CCDC40: variants seen among roughly 807,000 people sequenced by gnomAD.
CCDC40 encodes the protein coiled-coil domain 40 molecular ruler complex subunit.
Under a neutral mutation model 124.5 loss-of-function variants are expected in CCDC40, and 104 were observed. The ratio of observed to expected loss-of-function variants is 0.84; its 90% CI spans 0.71 to 0.98. The LOEUF (loss-of-function observed/expected upper bound fraction) is 0.98. Among genes scored for constraint, CCDC40 ranks in the 50% least tolerant of loss-of-function variants. The pLI, the probability that CCDC40 is intolerant of heterozygous loss-of-function variation, is 0.00. For missense variants in CCDC40, 1,463 were observed against 1,503.9 expected (o/e 0.97, Z 0.45); for synonymous variants, 580 against 602.9 (o/e 0.96, Z 0.56).
At chr17:80,055,253 A>C (rs1285659282) in intron 7 of CCDC40, among the ~76,000 whole-genome samples, 2 of 152,188 alleles carry the variant, frequency 1.3e-5, no homozygotes, top group African/African-American at 4.8e-5. Context: ...AAGAGAAAGA[A>C]ATGAGATATG....
At chr17:80,088,985 C>G (rs565342299) in intron 16 of CCDC40, among the ~76,000 whole-genome samples, 3 of 152,272 alleles carry the variant, frequency 2.0e-5, no homozygotes, top group South Asian at 2.1e-4. Flanking sequence ...TTTATGGTGT[C>G]TGATTATTAA....
At position 80,087,730 on chromosome 17, in the gene CCDC40, A is replaced by G. The variant is rs1003621528; in HGVS notation, c.2573A>G (p.Glu858Gly). The G allele has an allele frequency of 2.5e-6, 4 of 1,614,158 alleles. No individual in the cohort carries two copies. The highest frequency in any genetic ancestry group is 3.4e-6 in the Non-Finnish European group (4 of 1,179,990). ...AACCGGTGCAGCTCGGAGGAGCTGG[A>G]GCAGAACAACCGGGTGACAGAGAAT... ...NKNRCSSEEL[E>G]QNNRVTENEF... The change falls in exon 15 of 20, where the codon GAG becomes GGG. Residue 858 changes from glutamate to glycine, a missense_variant. Physicochemically the swap from Glu to Gly is moderately conservative, Grantham distance 98. Coordinates refer to ENST00000397545, the MANE Select transcript of CCDC40 (RefSeq NM_017950.4). The surrounding 1 kb of genome is among the most constrained non-coding windows in gnomAD (Gnocchi z 4.5).
intron 17 of CCDC40, among the ~76,000 whole-genome samples, chr17:80,092,398 C>A (rs1381674853): frequency 3.3e-5 from 5 of 152,098 alleles, no homozygotes; most frequent in Non-Finnish European, 7.4e-5. Flanking sequence ...TGATATATTT[C>A]CTCATCCTCG....
intron 10 of CCDC40, among the ~76,000 whole-genome samples, chr17:80,071,264 A>G (rs554900605): frequency 1.3e-5 from 2 of 152,362 alleles, no homozygotes; most frequent in African/African-American, 4.8e-5. Flanking sequence ...CGGGAAATAC[A>G]GAGGGCAGAC....
Position 80,095,523 on chromosome 17 carries a change from G to A in CCDC40, c.3021+72G>A, listed in dbSNP as rs568551544. ...GATTCAAGGAACACTCCAGGAAGGC[G>A]TCTTGCTGGGTCCGGGGTGAGGATG... is the stretch of plus-strand genomic sequence containing the variant. On this transcript the variant is annotated intron_variant, in intron 18 of 19. Coordinates refer to ENST00000397545, the MANE Select transcript of CCDC40 (RefSeq NM_017950.4). 4.1e-4 allele frequency: 598 copies of A among 1,458,370 alleles called. 1 individual carries two copies. The highest frequency in any genetic ancestry group is 5.3e-4 in the Non-Finnish European group (561 of 1,054,392). The allele number at this position is 1,458,370 out of a possible 1,614,324, so 90.3% of individuals were successfully genotyped here.
Position 80,089,776 on chromosome 17 carries a change from G to A in CCDC40, c.2724G>A (p.Met908Ile), listed in dbSNP as rs1211135006. ...NQLVEAEHQI[M>I]LWEKKIQLAK... ...CCTACCTCTAAAGACACCAGATTAT[G>A]CTTTGGGAGAAAAAAATCCAACTGG... is the stretch of plus-strand genomic sequence containing the variant. The change falls in exon 17 of 20, where the codon ATG becomes ATA. Residue 908 changes from methionine to isoleucine, a missense_variant. Physicochemically the swap from Met to Ile is conservative, Grantham distance 10 (BLOSUM62 1). Transcript: ENST00000397545. 3.7e-6 allele frequency: 6 copies of A among 1,614,120 alleles called. No individual in the cohort carries two copies. The highest frequency in any genetic ancestry group is 3.3e-5 in the Admixed American group (2 of 60,000).
chr17:80,082,150 C>A, intron 12 of CCDC40, 92 bp downstream of exon 12: 5 of 1,108,102 alleles, frequency 4.5e-6, no homozygotes, highest in Non-Finnish European at 4.1e-6. Flanking sequence ...AGGGCGGAGT[C>A]AGTGTGAGCA....
chr17:80,083,656 G>A (rs1477513582), intron 12 of CCDC40, among the ~76,000 whole-genome samples: 2 of 152,196 alleles, frequency 1.3e-5, no homozygotes, highest in Admixed American at 6.5e-5. Flanking sequence ...TTGCAGCTGT[G>A]ACTGCCACTG....
intron 19 of CCDC40, among the ~76,000 whole-genome samples, chr17:80,098,438 G>A (rs1456727338): frequency 6.6e-6 from 1 of 152,250 alleles, no homozygotes; most frequent in Non-Finnish European, 1.5e-5. Context: ...TATTTGCAGT[G>A]CTTCAGGGCG....
chr17:80,094,243 T>C (rs1162045271), intron 17 of CCDC40, among the ~76,000 whole-genome samples: 2 of 126,602 alleles, frequency 1.6e-5, no homozygotes, highest in Non-Finnish European at 3.6e-5. Context: ...ACCCTGTCTC[T>C]ACTGAAAAAA....
chr17:80,095,363 A>G lies in CCDC40; in HGVS notation c.2933A>G (p.Gln978Arg), dbSNP rs2038789361. The part of the protein sequence containing the change: ...RETVTTQAEG[Q>R]RKMDRKALTR... Reference sequence around the variant, plus strand: ...ACCGTCACCACCCAGGCCGAGGGGCAGCGCAAGATGGACAGGAAGGCGCTC... The same window carrying G: ...ACCGTCACCACCCAGGCCGAGGGGCGGCGCAAGATGGACAGGAAGGCGCTC... Residue 978 changes from glutamine (Q) to arginine (R), a missense_variant, in exon 18 of 20, where the codon CAG (glutamine) becomes CGG (arginine). By Grantham distance (43) the Gln-to-Arg change is conservative (BLOSUM62 1). Transcript: ENST00000397545. 2 of 1,614,136 alleles carry G rather than the reference A, an allele frequency of 1.2e-6. No homozygotes were observed. Among genetic ancestry groups the G allele is most frequent in the Non-Finnish European group, 1.7e-6 (2 of 1,180,044 alleles).
intron 10 of CCDC40, among the ~76,000 whole-genome samples, chr17:80,080,279 C>T (rs955258332): frequency 2.6e-5 from 4 of 152,086 alleles, no homozygotes; most frequent in Non-Finnish European, 2.9e-5. Flanking sequence ...ATGCCTCACA[C>T]ACACAAAATT....
At chr17:80,095,221 T>G in intron 17 of CCDC40, 42 bp from the exon 18 acceptor site, 1 of 1,597,894 alleles carries the variant, frequency 6.3e-7, no homozygotes, top group Non-Finnish European at 8.6e-7. Flanking sequence ...CAGCTGCAGC[T>G]CAGGCCTGCC....
chr17:80,047,976 T>C (rs1017453120), intron 4 of CCDC40, among the ~76,000 whole-genome samples: 10 of 152,068 alleles, frequency 6.6e-5, no homozygotes, highest in Admixed American at 3.3e-4. Flanking sequence ...GTGTCTAAAT[T>C]AGTAAAAAAA....
At chr17:80,053,194 C>T (rs566084667) in intron 7 of CCDC40, among the ~76,000 whole-genome samples, 9 of 152,298 alleles carry the variant, frequency 5.9e-5, no homozygotes, top group Non-Finnish European at 4.4e-5. Flanking sequence ...AGACTCGTGA[C>T]GGGCCATGCA....
At chr17:80,036,715 G>A in intron 1 of CCDC40, 24 bp downstream of exon 1, 2 of 1,461,998 alleles carry the variant, frequency 1.4e-6, no homozygotes, top group Non-Finnish European at 1.8e-6. Flanking sequence ...AGGGGCAGCG[G>A]GTCTTGGAGT....
At position 80,069,707 on chromosome 17, in the gene CCDC40, TGCCACTGCACTCCA is replaced by T. The variant is rs2038140836; in HGVS notation, c.1562+4105_1562+4118del. Reference sequence around the variant, plus strand: ...TGGAGGTGGCGGTGAAGCAAGATGGTGCCACTGCACTCCAGCCTGGGTGACAGAGCGAGACTTCG... The same window carrying T: ...TGGAGGTGGCGGTGAAGCAAGATGGTGCCTGGGTGACAGAGCGAGACTTCG... On this transcript the variant is annotated intron_variant, in intron 10 of 19. Coordinates refer to ENST00000397545, the MANE Select transcript of CCDC40 (RefSeq NM_017950.4). Among the ~76,000 whole-genome samples the T allele has an allele frequency of 2.6e-5, 4 of 151,330 alleles. No homozygotes were observed. The South Asian group carries it at 8.3e-4, about 31-fold the overall frequency.
At chr17:80,072,797 C>T (rs1156670677) in intron 10 of CCDC40, among the ~76,000 whole-genome samples, 1 of 152,162 alleles carries the variant, frequency 6.6e-6, no homozygotes, top group Non-Finnish European at 1.5e-5. Flanking sequence ...TGCACGGATA[C>T]ATCAGATGTA....
rs1017095304 is a variant in CCDC40 at position 80,085,699 on chromosome 17, T to C, written c.2236-304T>C. Among the ~76,000 whole-genome samples, 14 of 147,214 alleles carry C rather than the reference T, an allele frequency of 9.5e-5. No individual in the cohort carries two copies. The East Asian group carries it at 1.6e-3, about 17-fold the overall frequency. On this transcript the variant is annotated intron_variant, in intron 13 of 19. Coordinates refer to ENST00000397545, the MANE Select transcript of CCDC40 (RefSeq NM_017950.4). ...TTTTTTTTTTTTTTCTGAGACGGAG[T>C]CTTGCTCTATTGCCCAGGCTGGAGT...
Sources: gnomAD v4.1 joint callset for allele counts (sites outside exome capture counted in the v4.1 genomes callset) on GRCh38, gnomAD v4.1.1 for gene constraint, Gnocchi (gnomAD v3.1) non-coding constraint, MANE v1.5 for transcripts, NCBI Gene and HGNC (gene_info 2026-07-23, HGNC 2026-07-21) for gene names.